The following RAB3GAP2 variants were observed in gnomAD, a reference collection of about 807,000 sequenced individuals.
The protein encoded by RAB3GAP2 is RAB3 GTPase activating non-catalytic protein subunit 2, also known as rab3 GTPase-activating protein non-catalytic subunit.
RAB3GAP2 carries 87 observed loss-of-function variants against 185.3 expected under a neutral mutation model. That is an observed-to-expected ratio of 0.47 (90% CI 0.39 to 0.56). RAB3GAP2 has a LOEUF of 0.56. RAB3GAP2 is among the 20% of genes least tolerant of loss of function. The pLI, the probability that RAB3GAP2 is intolerant of heterozygous loss-of-function variation, is 0.00. For synonymous variants in RAB3GAP2, 554 were observed against 576.1 expected (o/e 0.96, Z 0.55); for missense variants, 1,492 against 1,638.2 (o/e 0.91, Z 1.54).
chr1:220,244,054 C>T (rs1024878748), intron 1 of RAB3GAP2, among the ~76,000 whole-genome samples: 2 of 152,252 alleles, frequency 1.3e-5, no homozygotes, highest in East Asian at 1.9e-4. Context: ...TGGAAGTCCT[C>T]ACAAGACTAA....
rs1659296163 is a variant in RAB3GAP2, at chr1:220,221,034, G to A, written c.181-7055C>T. Among the ~76,000 whole-genome samples, 3 of 152,296 alleles carry A rather than the reference G, an allele frequency of 2.0e-5. No individual in the cohort carries two copies. In the South Asian group the frequency reaches 6.2e-4, roughly 32 times the overall value. On this transcript the variant is annotated intron_variant, in intron 2 of 34. Transcript: ENST00000358951. ...TGCACCATTACCACTTGAGTATCTT[G>A]AAAATAGCTGGCAGTTTTCAGTTAT...
At chr1:220,199,554 A>G (rs552714467) in intron 9 of RAB3GAP2, among the ~76,000 whole-genome samples, 2 of 152,260 alleles carry the variant, frequency 1.3e-5, no homozygotes, top group Middle Eastern at 3.4e-3. Context: ...TTATATGTAC[A>G]TTCCCAGCTT....
At chr1:220,151,856 T>C in intron 33 of RAB3GAP2, 92 bp from the exon 34 acceptor site, 1 of 1,341,772 alleles carries the variant, frequency 7.5e-7, no homozygotes, top group Non-Finnish European at 1.1e-6. Context: ...AGATTCTAGT[T>C]GATTTTTGAA....
chr1:220,162,111 A>C, intron 28 of RAB3GAP2, 87 bp downstream of exon 28: 1 of 1,071,958 alleles, frequency 9.3e-7, no homozygotes, highest in Non-Finnish European at 1.4e-6. Context: ...AAAATAGTCT[A>C]ACAAAGCCTA....
At chr1:220,173,220 A>G (rs1197668329) in intron 21 of RAB3GAP2, among the ~76,000 whole-genome samples, 1 of 152,220 alleles carries the variant, frequency 6.6e-6, no homozygotes, top group Non-Finnish European at 1.5e-5. Flanking sequence ...CAATTTTTAA[A>G]TCACTAATAA....
rs1226382311 is a variant in RAB3GAP2 at position 220,222,750 on chromosome 1, C to G, written c.181-8771G>C. ...TAAAATGTTCTTTGTGCCCATTCAT[C>G]TGCCCACTCAACCTTCTATTCATAT... On this transcript the variant is annotated intron_variant, in intron 2 of 34. Coordinates refer to ENST00000358951, the MANE Select transcript of RAB3GAP2 (RefSeq NM_012414.4). 3.3e-5 allele frequency among the ~76,000 whole-genome samples: 5 copies of G among 152,106 alleles called. No individual in the cohort carries two copies. In the East Asian group the frequency reaches 9.6e-4, roughly 29 times the overall value.
intron 28 of RAB3GAP2, among the ~76,000 whole-genome samples, chr1:220,160,326 C>G (rs1168768381): frequency 6.6e-6 from 1 of 152,218 alleles, no homozygotes; most frequent in Non-Finnish European, 1.5e-5. Context: ...TGTCACCTCA[C>G]TACCACTTGC....
Position 220,200,537 on chromosome 1 carries a change from C to T in RAB3GAP2, c.811+1739G>A, listed in dbSNP as rs114939966. 6.0e-4 allele frequency: 314 copies of T among 524,868 alleles called. 3 individuals are homozygous for T. The highest frequency in any genetic ancestry group is 5.6e-3 in the African/African-American group (291 of 51,506). 32.5% of individuals were successfully genotyped at this position (524,868 alleles called of 1,614,324 possible). Reference sequence around the variant, plus strand: ...GTACATACAATAACGTTTATTGTACCTTTTTTCATTTTGTAGGCTGGGGAT... The same window carrying T: ...GTACATACAATAACGTTTATTGTACTTTTTTTCATTTTGTAGGCTGGGGAT... On this transcript the variant is annotated intron_variant, in intron 9 of 34. Coordinates refer to ENST00000358951, the MANE Select transcript of RAB3GAP2 (RefSeq NM_012414.4).
At chr1:220,154,569 G>A (rs900497187) in intron 31 of RAB3GAP2, 5 of 156,318 alleles carry the variant, frequency 3.2e-5, no homozygotes, top group African/African-American at 1.2e-4. Context: ...ACAGCCTCAT[G>A]AGAGACTAAG....
At chr1:220,192,393 A>G (rs75506172) in intron 13 of RAB3GAP2, among the ~76,000 whole-genome samples, 32 of 152,328 alleles carry the variant, frequency 2.1e-4, no homozygotes, top group African/African-American at 7.2e-4. Flanking sequence ...CAGGATAGAC[A>G]AGATTGCACC....
At position 220,213,835 on chromosome 1, in the gene RAB3GAP2, T is replaced by G. The variant is rs747052331; in HGVS notation, c.304+21A>C. On this transcript the variant is annotated intron_variant, in intron 3 of 34. Coordinates refer to ENST00000358951, the MANE Select transcript of RAB3GAP2 (RefSeq NM_012414.4). ...TCCAATGTATCAAAATAAAGGTCGC[T>G]GAAAATAATAGGATACTCACGCACT... The G allele has an allele frequency of 1.9e-6, 3 of 1,608,112 alleles. No individual in the cohort carries two copies. The Admixed American group carries it at 5.0e-5, about 27-fold the overall frequency.
At chr1:220,202,120 A>G (rs1658872399) in intron 9 of RAB3GAP2, among the ~76,000 whole-genome samples, 156 bp downstream of exon 9, 1 of 152,072 alleles carries the variant, frequency 6.6e-6, no homozygotes, top group Non-Finnish European at 1.5e-5. Context: ...AGCTGAGATC[A>G]TGCCACTGCA....
At chr1:220,208,571 A>G (rs575568148) in intron 7 of RAB3GAP2, among the ~76,000 whole-genome samples, 1 of 152,338 alleles carries the variant, frequency 6.6e-6, no homozygotes, top group African/African-American at 2.4e-5. Context: ...ACCTCATTTA[A>G]TAACATTTAC....
intron 1 of RAB3GAP2, among the ~76,000 whole-genome samples, chr1:220,246,409 C>T (rs1164719619): frequency 7.0e-6 from 1 of 142,706 alleles, no homozygotes; most frequent in East Asian, 2.1e-4. Flanking sequence ...ACCCAGCCAT[C>T]CCATTACTGG....
chr1:220,153,822 A>G (rs536489899), intron 32 of RAB3GAP2, 146 bp downstream of exon 32: 2 of 1,109,460 alleles, frequency 1.8e-6, no homozygotes, highest in Admixed American at 2.3e-5. Context: ...TCATTGTTCA[A>G]CTCCCACCTA....
At chr1:220,155,338 A>G (rs1657838919) in intron 31 of RAB3GAP2, among the ~76,000 whole-genome samples, 1 of 152,206 alleles carries the variant, frequency 6.6e-6, no homozygotes, top group South Asian at 2.1e-4. Context: ...CTGTGATTCT[A>G]GGTCATCTGT....
Position 220,171,253 on chromosome 1 carries a change from T to C in RAB3GAP2, c.2578-133A>G, listed in dbSNP as rs1034674183. On this transcript the variant is annotated intron_variant, in intron 23 of 34. Coordinates refer to ENST00000358951, the MANE Select transcript of RAB3GAP2 (RefSeq NM_012414.4). ...CAACACATACATGCTATTTCACAAA[T>C]ATTACTACTTGGCTGGATGAAACAT... 11 of 819,344 alleles carry C rather than the reference T, an allele frequency of 1.3e-5. No homozygotes were observed. The African/African-American group carries it at 1.7e-4, about 13-fold the overall frequency. 50.8% of individuals were successfully genotyped at this position (819,344 alleles called of 1,614,324 possible). A position where few individuals can be genotyped will look rare whatever the true frequency, so the allele number is the denominator to read the frequency against.
chr1:220,157,979 TC>T, intron 29 of RAB3GAP2, 103 bp from the exon 30 acceptor site: 1 of 856,190 alleles, frequency 1.2e-6, no homozygotes, highest in Non-Finnish European at 1.9e-6. Flanking sequence ...CAGCTGACTT[TC>T]CACACTGAAT....
chr1:220,172,678 C>A lies in RAB3GAP2; in HGVS notation c.2375G>T (p.Cys792Phe), dbSNP rs754104291. The change falls in exon 22 of 35, where the codon TGC becomes TTC. Residue 792 changes from cysteine to phenylalanine, a missense_variant. Transcript: ENST00000358951. ...GAGGGACAGCATGGTATGAAGACAG[C>A]AGATTGACTGTGGTTTATCCAAAAT... ...KDILDKPQSI[C>F]CLHTMLSLLS... The A allele has an allele frequency of 1.9e-6, 3 of 1,613,136 alleles. No individual in the cohort carries two copies. The highest frequency in any genetic ancestry group is 1.7e-6 in the Non-Finnish European group (2 of 1,179,116).
Sources: gnomAD v4.1 joint callset for allele counts (sites outside exome capture counted in the v4.1 genomes callset) on GRCh38, gnomAD v4.1.1 for gene constraint, MANE v1.5 for transcripts, NCBI Gene and HGNC (gene_info 2026-07-23, HGNC 2026-07-21) for gene names.